The following PTPRB variants were observed in gnomAD, a reference collection of about 807,000 sequenced individuals.
PTPRB encodes the protein receptor-type tyrosine-protein phosphatase beta.
A neutral mutation model predicts 238.1 loss-of-function variants in PTPRB; 97 were observed. That is an observed-to-expected ratio of 0.41 (90% CI 0.35 to 0.48). The LOEUF (loss-of-function observed/expected upper bound fraction) is 0.48. Among genes scored for constraint, PTPRB ranks in the 20% least tolerant of loss-of-function variants. The probability of loss-of-function intolerance (pLI) is 0.30; values close to 1 mark genes in which losing one functional copy is unlikely to be tolerated. For missense variants in PTPRB, 2,292 were observed against 2,681.9 expected, an observed-to-expected ratio of 0.85 and a Z score of 3.21; for synonymous variants, 970 against 995.4, an observed-to-expected ratio of 0.97 and a Z score of 0.48.
chr12:70,558,143 G>A (rs1397520018), intron 18 of PTPRB, among the ~76,000 whole-genome samples: 1 of 152,128 alleles, frequency 6.6e-6, no homozygotes, highest in Non-Finnish European at 1.5e-5. Flanking sequence ...AATACCAGAT[G>A]CAATGGTCAG....
At chr12:70,623,249 GCTAT>G (rs1262180701) in intron 2 of PTPRB, among the ~76,000 whole-genome samples, 1 of 152,072 alleles carries the variant, frequency 6.6e-6, no homozygotes, top group African/African-American at 2.4e-5. Flanking sequence ...TATTTTCTAA[GCTAT>G]CTATCTTCTG....
At chr12:70,608,305 T>A (rs1402637426) in intron 4 of PTPRB, among the ~76,000 whole-genome samples, 1 of 152,206 alleles carries the variant, frequency 6.6e-6, no homozygotes, top group African/African-American at 2.4e-5. Flanking sequence ...AGGGTAGCTC[T>A]GAGGATTAAA....
At chr12:70,543,606 T>C (rs1402585991) in intron 22 of PTPRB, among the ~76,000 whole-genome samples, 1 of 152,186 alleles carries the variant, frequency 6.6e-6, no homozygotes, top group East Asian at 1.9e-4. Context: ...TCGTTTGTCA[T>C]GCAGCACGAG....
chr12:70,635,750 C>T lies in PTPRB; in HGVS notation c.372G>A (p.Arg124=), dbSNP rs746729445. The T allele has an allele frequency of 6.2e-7, 1 of 1,613,912 alleles. No individual in the cohort carries two copies. ...TTTTCATCCAGCTATGGAGGTATTT[C>T]CTGGCCTTCTTGACCACTACTCTGG... ...QGSRVVVKKA[R]KYLHSWMKID... The change falls in exon 2 of 34, where the codon AGG becomes AGA. Residue 124 remains arginine (R), a synonymous_variant. Coordinates refer to ENST00000334414, the MANE Select transcript of PTPRB (RefSeq NM_001109754.4).
chr12:70,613,205 A>G (rs1884537793), intron 3 of PTPRB, among the ~76,000 whole-genome samples: 1 of 150,938 alleles, frequency 6.6e-6, no homozygotes, highest in South Asian at 2.1e-4. Context: ...GTTAATCCAC[A>G]CTCCCATCAC....
intron 3 of PTPRB, among the ~76,000 whole-genome samples, chr12:70,618,472 A>G (rs1480813523): frequency 6.6e-6 from 1 of 152,224 alleles, no homozygotes; most frequent in Non-Finnish European, 1.5e-5. Context: ...AGGCAGAGTG[A>G]GTACCCATAA....
intron 10 of PTPRB, 39 bp from the exon 11 acceptor site, chr12:70,576,684 A>AGGGGGGGGGGGGGG (rs1313001377): frequency 6.7e-5 from 2 of 29,858 alleles, no homozygotes; most frequent in African/African-American, 3.5e-4. Context: ...GGGGGGGGGA[A>AGGGGGGGGGGGGGG]GGGGGATTCA....
At chr12:70,559,765 C>A (rs1408586882) in intron 17 of PTPRB, 141 bp from the exon 18 acceptor site, 1 of 801,386 alleles carries the variant, frequency 1.2e-6, no homozygotes, top group Non-Finnish European at 1.9e-6. Context: ...GTAGCAGGAG[C>A]TTTCATTAAT....
At chr12:70,544,005 T>C (rs1875574062) in intron 22 of PTPRB, among the ~76,000 whole-genome samples, 1 of 152,302 alleles carries the variant, frequency 6.6e-6, no homozygotes, top group Admixed American at 6.5e-5. Flanking sequence ...TTACTCAGGC[T>C]TTCCCTCTAA....
chr12:70,571,388 C>T (rs1880036394), intron 12 of PTPRB, 99 bp from the exon 13 acceptor site: 1 of 1,214,992 alleles, frequency 8.2e-7, no homozygotes, highest in Non-Finnish European at 1.1e-6. Flanking sequence ...GCAACATCTC[C>T]CTTCCCCAAA....
chr12:70,630,590 A>G (rs1031245674), intron 2 of PTPRB, among the ~76,000 whole-genome samples: 4 of 152,212 alleles, frequency 2.6e-5, no homozygotes, highest in Non-Finnish European at 4.4e-5. Flanking sequence ...AAGAGAAAGA[A>G]ATAAAGGGTA....
intron 9 of PTPRB, among the ~76,000 whole-genome samples, chr12:70,586,446 A>G (rs1318774788): frequency 1.3e-5 from 2 of 152,204 alleles, no homozygotes; most frequent in Non-Finnish European, 2.9e-5. Flanking sequence ...AGTCTTGGGT[A>G]GGATCTTTAT....
At chr12:70,633,922 A>G (rs1885569619) in intron 2 of PTPRB, among the ~76,000 whole-genome samples, 1 of 152,156 alleles carries the variant, frequency 6.6e-6, no homozygotes, top group Non-Finnish European at 1.5e-5. Context: ...TGTGTAAAAC[A>G]GTAAAAATGG....
Position 70,516,693 on chromosome 12 carries a change from G to A in PTPRB, c.*4796C>T, listed in dbSNP as rs535671864. On this transcript the variant is annotated 3_prime_UTR_variant, in exon 34 of 34. Coordinates refer to ENST00000334414, the MANE Select transcript of PTPRB (RefSeq NM_001109754.4). ...GCTATAACCAATTCTTTTTGTGACTGTTCTAGAAGGGACACATTGCATTTG... is the reference window on the plus strand; with the variant it reads ...GCTATAACCAATTCTTTTTGTGACTATTCTAGAAGGGACACATTGCATTTG... The A allele has an allele frequency of 6.6e-6, 1 of 152,294 alleles. No homozygotes were observed. Among genetic ancestry groups the A allele is most frequent in the South Asian group, 2.1e-4 (1 of 4,830 alleles). The allele number at this position is 152,294 out of a possible 1,614,324, so 9.4% of individuals were successfully genotyped here.
intron 23 of PTPRB, chr12:70,540,334 G>A (rs749391453): frequency 5.7e-5 from 15 of 264,096 alleles, no homozygotes; most frequent in Non-Finnish European, 9.3e-5. Flanking sequence ...TGCCAGACAC[G>A]ACTTCAATAA....
At chr12:70,633,685 G>A (rs1349092709) in intron 2 of PTPRB, among the ~76,000 whole-genome samples, 1 of 152,054 alleles carries the variant, frequency 6.6e-6, no homozygotes, top group African/African-American at 2.4e-5. Flanking sequence ...TTTGAATATA[G>A]CATTGTTCAG....
At chr12:70,550,212 G>A (rs1876676134) in intron 21 of PTPRB, among the ~76,000 whole-genome samples, 1 of 152,330 alleles carries the variant, frequency 6.6e-6, no homozygotes, top group African/African-American at 2.4e-5. Context: ...GCTGGCTTTT[G>A]AAGTGTACAG....
intron 14 of PTPRB, 39 bp from the exon 15 acceptor site, chr12:70,566,743 A>G (rs1879355811): frequency 1.9e-6 from 3 of 1,595,650 alleles, no homozygotes; most frequent in Admixed American, 1.7e-5. Context: ...TACAGATTTT[A>G]TCACTTAGGG....
In PTPRB at chr12:70,575,414, A is replaced by G. The variant is rs150634897; in HGVS notation, c.2842+968T>C. Among the ~76,000 whole-genome samples, 421 of 152,332 alleles carry G rather than the reference A, an allele frequency of 2.8e-3. 4 individuals carry two copies. Among genetic ancestry groups the G allele is most frequent in the Middle Eastern group, 6.8e-3 (2 of 294 alleles). ...GGACTGTTTCTTCTCAAAGAAATGC[A>G]TATACCTTTCCTATCCCCAGCAACC... On this transcript the variant is annotated intron_variant, in intron 11 of 33. Coordinates refer to ENST00000334414, the MANE Select transcript of PTPRB (RefSeq NM_001109754.4).
Sources: gnomAD v4.1 joint callset for allele counts (sites outside exome capture counted in the v4.1 genomes callset) on GRCh38, gnomAD v4.1.1 for gene constraint, MANE v1.5 for transcripts, NCBI Gene and HGNC (gene_info 2026-07-23, HGNC 2026-07-21) for gene names.